TNK2: variants seen among roughly 807,000 people sequenced by gnomAD.
TNK2 encodes tyrosine kinase non receptor 2.
TNK2 carries 83 observed loss-of-function variants against 101.8 expected under a neutral mutation model. The observed-to-expected ratio is 0.82, with a 90% CI of 0.68 to 0.98. The LOEUF is 0.98. Ranked by LOEUF, TNK2 falls within the 50% of genes least tolerant of loss-of-function variation. TNK2 has a pLI of 0.00. For missense variants in TNK2, 1,665 were observed against 1,483.2 expected, an observed-to-expected ratio of 1.12 and a Z score of -2.01; for synonymous variants, 804 against 633.0, an observed-to-expected ratio of 1.27 and a Z score of -4.06.
intron 15 of TNK2, 64 bp from the exon 16 acceptor site, chr3:195,864,251 CG>C (rs780793584): frequency 8.7e-6 from 14 of 1,605,776 alleles, no homozygotes; most frequent in African/African-American, 2.7e-5. Flanking sequence ...GGGCAGGCAC[CG>C]GGGGTCACAC....
chr3:195,883,241 G>C lies in TNK2; in HGVS notation c.525C>G (p.Ile175Met), dbSNP rs1442148085. The C allele has an allele frequency of 2.5e-6, 4 of 1,613,072 alleles. No homozygotes were observed. In the African/African-American group the frequency reaches 5.3e-5, roughly 22 times the overall value. Reference sequence around the variant, plus strand: ...GCGAGTGCATGGCATTGACCTCCCGGATGAAGTCGTCCATGGCTTCTGGCT... The same window carrying C: ...GCGAGTGCATGGCATTGACCTCCCGCATGAAGTCGTCCATGGCTTCTGGCT... ...LSQPEAMDDF[I>M]REVNAMHSLD... Residue 175 changes from isoleucine to methionine, a missense_variant, in exon 5 of 16, where the codon ATC becomes ATG. Coordinates refer to ENST00000672887, the MANE Select transcript of TNK2 (RefSeq NM_001382273.1).
intron 10 of TNK2, among the ~76,000 whole-genome samples, chr3:195,870,682 C>T (rs1744502630): frequency 6.6e-6 from 1 of 152,268 alleles, no homozygotes; most frequent in Admixed American, 6.5e-5. Context: ...CCCTCCGTCC[C>T]TGCACCAACT....
intron 1 of TNK2, among the ~76,000 whole-genome samples, chr3:195,905,994 A>G (rs1264933447): frequency 6.6e-6 from 1 of 152,214 alleles, no homozygotes; most frequent in Non-Finnish European, 1.5e-5. Flanking sequence ...AAAACCCTAC[A>G]CAATTAAAAA....
At position 195,879,053 on chromosome 3, in the gene TNK2, C is replaced by G. The variant is rs1751003810; in HGVS notation, c.1010G>C (p.Ser337Thr). ...GGCCCGTCTCCCAGCCCTCACCTGA[C>G]TGCCGTTGAGGCCGATCCAGGGCTC... Reference protein sequence around the residue: ...GQEPWIGLNGSQILHKIDKEG... With the variant: ...GQEPWIGLNGTQILHKIDKEG... Residue 337 changes from serine to threonine, a missense_variant, in exon 7 of 16, where the codon AGT (serine) becomes ACT (threonine). Physicochemically the swap from Ser to Thr is moderately conservative, Grantham distance 58. This residue lies in a region of TNK2 where 490 missense variants were observed against 522.5 expected (regional missense o/e 0.94). Coordinates refer to ENST00000672887, the MANE Select transcript of TNK2 (RefSeq NM_001382273.1). The G allele has an allele frequency of 6.2e-7, 1 of 1,613,398 alleles. No homozygotes were observed. Among genetic ancestry groups the G allele is most frequent in the South Asian group, 1.1e-5 (1 of 91,094 alleles).
intron 4 of TNK2, 187 bp from the exon 5 acceptor site, chr3:195,883,496 G>A (rs1412974854): frequency 9.3e-6 from 6 of 644,252 alleles, no homozygotes; most frequent in Middle Eastern, 4.1e-4. Flanking sequence ...AAGGGCAGAC[G>A]GCTGGCCCTC....
At chr3:195,892,628 C>T in intron 1 of TNK2, 7 of 1,435,526 alleles carry the variant, frequency 4.9e-6, no homozygotes, top group Non-Finnish European at 6.4e-6. Context: ...CCCCTCCGCT[C>T]TGCTGCAAGC....
In TNK2 at chr3:195,887,849, T is replaced by C. The variant is rs1047493351; in HGVS notation, c.163+577A>G. On this transcript the variant is annotated intron_variant, in intron 2 of 15. Transcript: ENST00000672887. ...GTGCGCACACACGTGTGTGTGTGTGTGCGTGTCTGTGTGCGCAGGCGTGTG... is the reference window on the plus strand; with the variant it reads ...GTGCGCACACACGTGTGTGTGTGTGCGCGTGTCTGTGTGCGCAGGCGTGTG... Among the ~76,000 whole-genome samples the C allele has an allele frequency of 1.8e-3, 166 of 91,784 alleles. 2 individuals are homozygous for C. The highest frequency in any genetic ancestry group is 9.2e-3 in the Admixed American group (79 of 8,606). The allele number at this position is 91,784 out of a possible 152,430, so 60.2% of individuals were successfully genotyped here.
rs892856347 is a variant in TNK2, at chr3:195,882,696, A to G, written c.610-368T>C. On this transcript the variant is annotated intron_variant, in intron 5 of 15. Coordinates refer to ENST00000672887, the MANE Select transcript of TNK2 (RefSeq NM_001382273.1). This position sits in a 1 kb window ranked among gnomAD's most constrained non-coding sequence, Gnocchi z 4.2. ...AACATGGTGAAACCCCGTCTCTACT[A>G]AAAATACAAAAATTAGCCAGGCATG... Among the ~76,000 whole-genome samples, 5 of 152,110 alleles carry G rather than the reference A, an allele frequency of 3.3e-5. No individual in the cohort carries two copies. Among genetic ancestry groups the G allele is most frequent in the Non-Finnish European group, 7.4e-5 (5 of 68,016 alleles).
chr3:195,882,502 C>G lies in TNK2; in HGVS notation c.610-174G>C. The G allele has an allele frequency of 6.5e-7, 1 of 1,538,450 alleles. No individual in the cohort carries two copies. The highest frequency in any genetic ancestry group is 8.7e-7 in the Non-Finnish European group (1 of 1,146,526). Reference sequence around the variant, plus strand: ...GTCCTGCAGTTTCTCAGGCCTCTCCCTCGAGGCAATTTGGGAAACTGATGC... The same window carrying G: ...GTCCTGCAGTTTCTCAGGCCTCTCCGTCGAGGCAATTTGGGAAACTGATGC... On this transcript the variant is annotated intron_variant, in intron 5 of 15. Transcript: ENST00000672887. This position sits in a 1 kb window ranked among gnomAD's most constrained non-coding sequence, Gnocchi z 4.2.
chr3:195,876,461 G>A, intron 9 of TNK2: 1 of 456,802 alleles, frequency 2.2e-6, no homozygotes, highest in Non-Finnish European at 4.4e-6. Context: ...CATCCGCCTG[G>A]AGACATGGAG....
In TNK2 at chr3:195,882,587, G is replaced by A. The variant is rs925160902; in HGVS notation, c.610-259C>T. On this transcript the variant is annotated intron_variant, in intron 5 of 15. Coordinates refer to ENST00000672887, the MANE Select transcript of TNK2 (RefSeq NM_001382273.1). The surrounding 1 kb of genome is among the most constrained non-coding windows in gnomAD (Gnocchi z 4.2). ...AAATTCCAAAACTCAGCTGGACGTG[G>A]TGGCTCACGCCTGTAATCCCAGCAC... The A allele has an allele frequency of 2.1e-6, 3 of 1,445,804 alleles. No homozygotes were observed. The highest frequency in any genetic ancestry group is 2.8e-5 in the East Asian group (1 of 35,846). 89.6% of individuals were successfully genotyped at this position (1,445,804 alleles called of 1,614,324 possible).
chr3:195,890,102 G>A (rs899570816), intron 1 of TNK2, among the ~76,000 whole-genome samples: 1 of 152,246 alleles, frequency 6.6e-6, no homozygotes, highest in Non-Finnish European at 1.5e-5. Context: ...AAAGGGGAAT[G>A]AGAAACTCTC....
At chr3:195,870,419 G>A (rs1174624364) in intron 10 of TNK2, 3 of 1,400,852 alleles carry the variant, frequency 2.1e-6, no homozygotes, top group Non-Finnish European at 9.4e-7. Context: ...CCCCAGGATG[G>A]AAAGCCTAGG....
chr3:195,869,489 C>G lies in TNK2; in HGVS notation c.1588+8G>C, dbSNP rs1231359133. The G allele has an allele frequency of 6.4e-7, 1 of 1,550,452 alleles. No individual in the cohort carries two copies. Among genetic ancestry groups the G allele is most frequent in the Non-Finnish European group, 8.7e-7 (1 of 1,146,908 alleles). On this transcript the variant is annotated splice_region_variant and intron_variant, in intron 12 of 15. Transcript: ENST00000672887. ...GGGGGCCAAGGCATCGGAAGCAGCC[C>G]CACTTACTCTGAGTGAAGAAGGCAG...
At chr3:195,872,832 G>C (rs1560492023) in intron 9 of TNK2, 1 of 227,132 alleles carries the variant, frequency 4.4e-6, no homozygotes, top group South Asian at 8.8e-5. Flanking sequence ...TGGGGCCAGC[G>C]CCCCGCCCAC....
Position 195,869,987 on chromosome 3 carries a change from C to T in TNK2, c.1543+127G>A, listed in dbSNP as rs1577002933. ...CAGCCGGAGCCAGGGACACAGCTGT[C>T]CCGCCTGCTGCCCTGACCCCACTGT... On this transcript the variant is annotated intron_variant, in intron 11 of 15. Transcript: ENST00000672887. 5 of 741,234 alleles carry T rather than the reference C, an allele frequency of 6.7e-6. No individual in the cohort carries two copies. In the East Asian group the frequency reaches 8.5e-5, roughly 13 times the overall value. 45.9% of individuals were successfully genotyped at this position (741,234 alleles called of 1,614,324 possible). A position where few individuals can be genotyped will look rare whatever the true frequency, so the allele number is the denominator to read the frequency against.
intron 11 of TNK2, chr3:195,869,779 G>C: frequency 1.7e-6 from 1 of 597,648 alleles, no homozygotes; most frequent in South Asian, 2.0e-5. Flanking sequence ...GGCAGAGCCG[G>C]AGCCGTGGGG....
In TNK2 at chr3:195,868,106, C is replaced by T. The variant is rs1388860273; in HGVS notation, c.2192G>A (p.Arg731Lys). 6.2e-7 allele frequency: 1 copy of T among 1,611,328 alleles called. No homozygotes were observed. Among genetic ancestry groups the T allele is most frequent in the Non-Finnish European group, 8.5e-7 (1 of 1,179,412 alleles). The change falls in exon 13 of 16, where the codon AGG (arginine) becomes AAG (lysine). Residue 731 changes from arginine to lysine, a missense_variant. Around this residue, in one of 3 missense-constraint regions of TNK2, gnomAD observed 1,136 missense variants for 894.9 expected, o/e 1.27. Coordinates refer to ENST00000672887, the MANE Select transcript of TNK2 (RefSeq NM_001382273.1). ...IFQALQQECM[R>K]QLQAPAGSPA... ...GGAGCCGGCCGGAGCCTGCAGTTGCCTCATGCACTCCTGCTGTAGCGCCTG... is the reference window on the plus strand; with the variant it reads ...GGAGCCGGCCGGAGCCTGCAGTTGCTTCATGCACTCCTGCTGTAGCGCCTG...
intron 9 of TNK2, chr3:195,876,656 G>A: frequency 4.4e-6 from 2 of 455,620 alleles, no homozygotes; most frequent in South Asian, 3.1e-5. Context: ...GTGGTTCCAA[G>A]CCAGGGCTGG....
Sources: gnomAD v4.1 joint callset for allele counts (sites outside exome capture counted in the v4.1 genomes callset) on GRCh38, gnomAD v4.1.1 for gene constraint, gnomAD v4.1.1 regional missense constraint, Gnocchi (gnomAD v3.1) non-coding constraint, MANE v1.5 for transcripts, NCBI Gene and HGNC (gene_info 2026-07-23, HGNC 2026-07-21) for gene names.